The following PSMG1 variants were observed in gnomAD, a reference collection of about 807,000 sequenced individuals.
PSMG1 encodes the protein proteasome assembly chaperone 1, also known as Down syndrome critical region gene 2.
Under a neutral mutation model 37.2 loss-of-function variants are expected in PSMG1, and 23 were observed. That is an observed-to-expected ratio of 0.62 (90% CI 0.44 to 0.88). The LOEUF is 0.88. Among genes scored for constraint, PSMG1 ranks in the 40% least tolerant of loss-of-function variants. PSMG1 has a pLI of 0.00. For missense variants in PSMG1, 340 were observed against 344.2 expected (o/e 0.99, Z 0.10); for synonymous variants, 127 against 128.0 (o/e 0.99, Z 0.05).
At position 39,183,072 on chromosome 21, in the gene PSMG1, G is replaced by A. The variant is rs975031812; in HGVS notation, c.134+180C>T. 11 of 761,782 alleles carry A rather than the reference G, an allele frequency of 1.4e-5. No individual in the cohort carries two copies. In the African/African-American group the frequency reaches 2.1e-4, roughly 14 times the overall value. The allele number at this position is 761,782 out of a possible 1,614,324, so 47.2% of individuals were successfully genotyped here. A position where few individuals can be genotyped will look rare whatever the true frequency, so the allele number is the denominator to read the frequency against. On this transcript the variant is annotated intron_variant, in intron 1 of 6. Transcript: ENST00000331573. ...GCGAGAACCACACACACCTGGGGCT[G>A]GCGCCGCTGGACGCCGCGGCTTCAC... is the stretch of plus-strand genomic sequence containing the variant.
At chr21:39,178,866 T>A (rs1449528910) in intron 4 of PSMG1, 1 of 549,434 alleles carries the variant, frequency 1.8e-6, no homozygotes, top group East Asian at 3.1e-5. Flanking sequence ...CTCTCCTCAT[T>A]AGTGAACTAA....
At position 39,180,379 on chromosome 21, in the gene PSMG1, T is replaced by C; in HGVS notation, c.299A>G (p.Lys100Arg). The change falls in exon 3 of 7, where the codon AAA (lysine) becomes AGA (arginine). Residue 100 changes from lysine (K) to arginine (R), a missense_variant. Coordinates refer to ENST00000331573, the MANE Select transcript of PSMG1 (RefSeq NM_003720.4). ...SGVWEEVGCA[K>R]LWNEWCRTTD... is the part of the protein sequence containing the mutation. ...TGTTCTACACCATTCATTCCAGAGT[T>C]TAGCACAACCAACTTCCTCCCAGAC... 2 of 1,611,402 alleles carry C rather than the reference T, an allele frequency of 1.2e-6. No individual in the cohort carries two copies. Among genetic ancestry groups the C allele is most frequent in the Non-Finnish European group, 1.7e-6 (2 of 1,178,660 alleles).
At position 39,180,332 on chromosome 21, in the gene PSMG1, A is replaced by C. The variant is rs1290815110; in HGVS notation, c.346T>G (p.Ser116Ala). The C allele has an allele frequency of 3.7e-6, 6 of 1,612,146 alleles. No homozygotes were observed. The African/African-American group carries it at 8.0e-5, about 22-fold the overall frequency. ...CRTTDTTHLS[S>A]TEAFCVFYHL... The stretch of plus-strand genomic sequence containing the variant: ...TAAAACACACAAAAAGCCTCTGTGG[A>C]GGACAGATGTGTAGTGTCTGTTGTT... The change falls in exon 3 of 7, where the codon TCC becomes GCC. Residue 116 changes from serine to alanine, a missense_variant. Physicochemically the swap from Ser to Ala is moderately conservative, Grantham distance 99. Transcript: ENST00000331573.
At chr21:39,180,209 C>T in intron 3 of PSMG1, 76 bp downstream of exon 3, 5 of 1,474,602 alleles carry the variant, frequency 3.4e-6, no homozygotes, top group Non-Finnish European at 4.6e-6. Context: ...ATTTGCCATA[C>T]TAAAGTATAC....
chr21:39,175,734 C>T, intron 6 of PSMG1, 70 bp from the exon 7 acceptor site: 1 of 962,884 alleles, frequency 1.0e-6, no homozygotes, highest in Admixed American at 1.8e-5. Flanking sequence ...CCCCTCCCTC[C>T]ACGACCAACA....
In PSMG1 at chr21:39,175,638, T is replaced by G; in HGVS notation, c.819A>C (p.Leu273=). 1 of 1,589,916 alleles carries G rather than the reference T, an allele frequency of 6.3e-7. No homozygotes were observed. Among genetic ancestry groups the G allele is most frequent in the Non-Finnish European group, 8.6e-7 (1 of 1,158,196 alleles). ...VKNIPQSTEI[L]KKLMTTNEIQ... The stretch of plus-strand genomic sequence containing the variant: ...TCTCATTTGTTGTCATCAATTTCTT[T>G]AGTATCTCAGTGCTTTGGGGAATAT... Residue 273 remains leucine, a synonymous_variant, in exon 7 of 7, where the codon CTA becomes CTC. Transcript: ENST00000331573.
At chr21:39,177,319 G>A in intron 6 of PSMG1, 116 bp downstream of exon 6, 1 of 1,053,562 alleles carries the variant, frequency 9.5e-7, no homozygotes, top group South Asian at 2.4e-5. Flanking sequence ...GCTTCGCTTT[G>A]AGAAGAATGG....
At chr21:39,177,695 G>T in intron 5 of PSMG1, 124 bp from the exon 6 acceptor site, 1 of 648,810 alleles carries the variant, frequency 1.5e-6, no homozygotes, top group Non-Finnish European at 2.2e-6. Context: ...TTCAATCAAG[G>T]TATTTACTGC....
Position 39,175,481 on chromosome 21 carries a change from G to A in PSMG1, c.*109C>T, listed in dbSNP as rs957883740. 2.8e-5 allele frequency: 39 copies of A among 1,374,360 alleles called. No individual in the cohort carries two copies. Among genetic ancestry groups the A allele is most frequent in the Middle Eastern group, 1.9e-4 (1 of 5,150 alleles). 85.1% of individuals were successfully genotyped at this position (1,374,360 alleles called of 1,614,324 possible). A position where few individuals can be genotyped will look rare whatever the true frequency, so the allele number is the denominator to read the frequency against. On this transcript the variant is annotated 3_prime_UTR_variant, in exon 7 of 7. Transcript: ENST00000331573. ...AATTAATTTTTTACAATTTTATTCC[G>A]TTTCATCATTCTCAAAATATATCCC... is the stretch of plus-strand genomic sequence containing the variant.
intron 6 of PSMG1, among the ~76,000 whole-genome samples, chr21:39,176,469 G>A (rs557673317): frequency 2.0e-5 from 3 of 152,300 alleles, no homozygotes; most frequent in Admixed American, 6.5e-5. Context: ...CAAACAAGAC[G>A]ATCAGCATAT....
intron 4 of PSMG1, 102 bp from the exon 5 acceptor site, chr21:39,178,749 T>C: frequency 1.8e-6 from 2 of 1,082,894 alleles, no homozygotes; most frequent in South Asian, 3.1e-5. Flanking sequence ...AATAATAGCA[T>C]GCCTAGCAGG....
intron 4 of PSMG1, among the ~76,000 whole-genome samples, chr21:39,179,020 G>A (rs994910632): frequency 2.0e-5 from 3 of 152,110 alleles, no homozygotes; most frequent in African/African-American, 4.8e-5. Context: ...TTGGTGATAC[G>A]TGACTTCTCA....
intron 6 of PSMG1, 150 bp from the exon 7 acceptor site, chr21:39,175,814 G>C (rs985974134): frequency 3.5e-6 from 2 of 573,232 alleles, no homozygotes; most frequent in Non-Finnish European, 6.2e-6. Context: ...TCAACGAAAA[G>C]GCAAGTGGGA....
chr21:39,180,468 T>G, intron 2 of PSMG1, 32 bp from the exon 3 acceptor site: 1 of 1,545,884 alleles, frequency 6.5e-7, no homozygotes, highest in Non-Finnish European at 8.7e-7. Flanking sequence ...AGTTAGTGTT[T>G]GGCTCTGCAA....
Position 39,179,993 on chromosome 21 carries a change from A to C in PSMG1, c.394-7T>G, listed in dbSNP as rs2030767390. On this transcript the variant is annotated splice_region_variant and splice_polypyrimidine_tract_variant and intron_variant, in intron 3 of 6. Coordinates refer to ENST00000331573, the MANE Select transcript of PSMG1 (RefSeq NM_003720.4). ...TGCACTGACAGAGAAAAACCTGAAA[A>C]GTCAAGTTCCACGCTTTTTGTCAAG... 1.2e-6 allele frequency: 2 copies of C among 1,609,668 alleles called. No individual in the cohort carries two copies. Among genetic ancestry groups the C allele is most frequent in the African/African-American group, 1.4e-5 (1 of 73,922 alleles).
In PSMG1 at chr21:39,180,428, A is replaced by G. The variant is rs2030787788; in HGVS notation, c.250T>C (p.Ser84Pro). 2 of 1,589,200 alleles carry G rather than the reference A, an allele frequency of 1.3e-6. 1 individual carries two copies. The highest frequency in any genetic ancestry group is 2.3e-5 in the South Asian group (2 of 86,276). ...AIGNNAVAFL[S>P]SFVMNSGVWE... ...ACTCCTGAATTCATAACAAATGATGACAGAAATGCTGTAAAAAACAATTCA... is the reference window on the plus strand; with the variant it reads ...ACTCCTGAATTCATAACAAATGATGGCAGAAATGCTGTAAAAAACAATTCA... Residue 84 changes from serine to proline, a missense_variant, in exon 3 of 7, where the codon TCA (serine) becomes CCA (proline). Ser to Pro is a moderately conservative substitution (Grantham distance 74, BLOSUM62 -1). Coordinates refer to ENST00000331573, the MANE Select transcript of PSMG1 (RefSeq NM_003720.4).
chr21:39,176,450 C>T (rs1180259975), intron 6 of PSMG1, among the ~76,000 whole-genome samples: 1 of 152,198 alleles, frequency 6.6e-6, no homozygotes, highest in African/African-American at 2.4e-5. Context: ...AGGCAATTGG[C>T]TATTTAAACA....
intron 1 of PSMG1, 93 bp downstream of exon 1, chr21:39,183,159 C>T: frequency 7.2e-7 from 1 of 1,387,384 alleles, no homozygotes; most frequent in Non-Finnish European, 9.3e-7. Flanking sequence ...ACTCGGAAGA[C>T]CGCGGAGCCC....
At position 39,181,700 on chromosome 21, in the gene PSMG1, T is replaced by C. The variant is rs1601189360; in HGVS notation, c.241+72A>G. ...TTAAAGTACTAAACATTTTAAATCTTTTATGATGGAAGAAAATAAGTATAT... is the reference window on the plus strand; with the variant it reads ...TTAAAGTACTAAACATTTTAAATCTCTTATGATGGAAGAAAATAAGTATAT... On this transcript the variant is annotated intron_variant, in intron 2 of 6. Coordinates refer to ENST00000331573, the MANE Select transcript of PSMG1 (RefSeq NM_003720.4). 14 of 1,098,568 alleles carry C rather than the reference T, an allele frequency of 1.3e-5. 1 individual carries two copies. The East Asian group carries it at 3.8e-4, about 30-fold the overall frequency. 68.1% of individuals were successfully genotyped at this position (1,098,568 alleles called of 1,614,324 possible). A position where few individuals can be genotyped will look rare whatever the true frequency, so the allele number is the denominator to read the frequency against.
Sources: gnomAD v4.1 joint callset for allele counts (sites outside exome capture counted in the v4.1 genomes callset) on GRCh38, gnomAD v4.1.1 for gene constraint, MANE v1.5 for transcripts, NCBI Gene and HGNC (gene_info 2026-07-23, HGNC 2026-07-21) for gene names.